Variants in USP50 observed in about 807,000 individuals in gnomAD.
USP50 encodes the protein ubiquitin carboxyl-terminal hydrolase 50.
Under a neutral mutation model 39.2 loss-of-function variants are expected in USP50, and 37 were observed. The observed-to-expected ratio is 0.94, with a 90% confidence interval of 0.73 to 1.24. The LOEUF (loss-of-function observed/expected upper bound fraction) is 1.24, where lower values mean the gene tolerates loss of function less well. USP50 is among the 50% of genes most tolerant of loss of function. The probability of loss-of-function intolerance (pLI) is 0.00; values close to 1 mark genes in which losing one functional copy is unlikely to be tolerated. For synonymous variants in USP50, 139 were observed against 144.5 expected, an observed-to-expected ratio of 0.96 and a Z score of 0.27; for missense variants, 374 against 398.2, an observed-to-expected ratio of 0.94 and a Z score of 0.52.
chr15:50,493,865 G>C (rs1359567762), downstream of USP50: 1 of 722,756 alleles, frequency 1.4e-6, no homozygotes, highest in South Asian at 1.5e-5. Flanking sequence ...ACCATGCAGG[G>C]CTTGCAGCCA....
In USP50 at chr15:50,522,687, G is replaced by T. The variant is rs146986312; in HGVS notation, c.936+7110C>A. Among the ~76,000 whole-genome samples, 405 of 152,238 alleles carry T rather than the reference G, an allele frequency of 2.7e-3. 2 individuals are homozygous for T. The highest frequency in any genetic ancestry group is 9.4e-3 in the African/African-American group (389 of 41,558). ...TTTTTATTTTATTTTTTGAGATAGA[G>T]TCTCACTCTGTCACCCAGGCTGGAA... On this transcript the variant is annotated intron_variant, in intron 6 of 6. Coordinates refer to ENST00000532404, the MANE Select transcript of USP50 (RefSeq NM_203494.5).
At chr15:50,513,263 T>C (rs576135126) in intron 6 of USP50, 1 of 152,282 alleles carries the variant, frequency 6.6e-6, no homozygotes, top group South Asian at 2.1e-4. Flanking sequence ...GTCTGCATAA[T>C]GTTGTTCATG....
intron 6 of USP50, among the ~76,000 whole-genome samples, chr15:50,515,466 T>A (rs1225528262): frequency 1.3e-5 from 2 of 152,008 alleles, no homozygotes; most frequent in East Asian, 3.9e-4. Flanking sequence ...GGTCTCGAAC[T>A]CCTGATCTCA....
intron 5 of USP50, among the ~76,000 whole-genome samples, chr15:50,530,783 G>A (rs997333961): frequency 1.3e-5 from 2 of 152,106 alleles, no homozygotes; most frequent in African/African-American, 4.8e-5. Context: ...GGATAACCAA[G>A]GCTCAACATT....
chr15:50,494,925 G>A (rs1387420886), intron 1 of USP50, among the ~76,000 whole-genome samples: 1 of 151,356 alleles, frequency 6.6e-6, no homozygotes, highest in Non-Finnish European at 1.5e-5. Flanking sequence ...TGAAGCAGGA[G>A]AATCGCTTGA....
chr15:50,535,893 A>G (rs2052976246), intron 5 of USP50, among the ~76,000 whole-genome samples: 1 of 152,206 alleles, frequency 6.6e-6, no homozygotes, highest in South Asian at 2.1e-4. Flanking sequence ...ACACAATCAA[A>G]TCAACAGACA....
At chr15:50,544,017 A>G in intron 2 of USP50, 1 of 538,834 alleles carries the variant, frequency 1.9e-6, no homozygotes. Context: ...TGGGTGACAG[A>G]ACAAGACTGT....
chr15:50,532,804 T>A (rs547493114), intron 5 of USP50, among the ~76,000 whole-genome samples: 1 of 152,292 alleles, frequency 6.6e-6, no homozygotes, highest in South Asian at 2.1e-4. Flanking sequence ...AATGAACGAA[T>A]GAACCAAAAG....
At chr15:50,520,988 A>G (rs988015489) in intron 6 of USP50, among the ~76,000 whole-genome samples, 1 of 152,228 alleles carries the variant, frequency 6.6e-6, no homozygotes, top group Non-Finnish European at 1.5e-5. Flanking sequence ...TTTCCAACTC[A>G]AAGAAATGAT....
At chr15:50,525,701 ATATATGTATATATG>A (rs1262153847) in intron 6 of USP50, among the ~76,000 whole-genome samples, 19 of 104,978 alleles carry the variant, frequency 1.8e-4, no homozygotes, top group Admixed American at 3.3e-4. Flanking sequence ...GTATATGTAT[ATATATGTATATATG>A]TATATGTATA....
At chr15:50,503,962 TAGA>T (rs1401986571) in intron 6 of USP50, 1 of 152,160 alleles carries the variant, frequency 6.6e-6, no homozygotes, top group East Asian at 1.9e-4. Flanking sequence ...TAAATATATT[TAGA>T]AGAAGGAAAC....
intron 3 of USP50, 35 bp downstream of exon 3, chr15:50,543,563 G>C: frequency 6.4e-7 from 1 of 1,573,066 alleles, no homozygotes; most frequent in Non-Finnish European, 8.7e-7. Context: ...AAAGGTTCAG[G>C]ACTATCCTAT....
Position 50,543,582 on chromosome 15 carries a change from C to T in USP50, c.444+16G>A, listed in dbSNP as rs2053046341. On this transcript the variant is annotated intron_variant, in intron 3 of 6. Coordinates refer to ENST00000532404, the MANE Select transcript of USP50 (RefSeq NM_203494.5). ...GTTCAGGACTATCCTATTTCAAGGT[C>T]ATTAACTCTACTTACCTTTTTTAGA... 1.9e-6 allele frequency: 3 copies of T among 1,604,114 alleles called. No individual in the cohort carries two copies. Among genetic ancestry groups the T allele is most frequent in the African/African-American group, 1.3e-5 (1 of 74,824 alleles).
chr15:50,544,556 G>T (rs762672650), intron 2 of USP50, 31 bp downstream of exon 2: 3 of 1,587,640 alleles, frequency 1.9e-6, no homozygotes, highest in East Asian at 2.3e-5. Flanking sequence ...GGGGGTGGGG[G>T]CTGGGCTGCA....
At chr15:50,497,019 A>G, downstream of USP50, 1 of 1,530,144 alleles carries the variant, frequency 6.5e-7, no homozygotes, top group Non-Finnish European at 8.8e-7. Context: ...GTGACTAACT[A>G]AATAGGTGCT....
At chr15:50,512,152 G>C (rs772860957) in intron 6 of USP50, 1 of 151,894 alleles carries the variant, frequency 6.6e-6, no homozygotes, top group Non-Finnish European at 1.5e-5. Flanking sequence ...TTCAAGACCA[G>C]CCTGGTCAAC....
chr15:50,546,268 C>T (rs1285591883), intron 1 of USP50, among the ~76,000 whole-genome samples: 2 of 152,168 alleles, frequency 1.3e-5, no homozygotes, highest in Non-Finnish European at 2.9e-5. Context: ...ACTGATACCA[C>T]AGGAGGTCCT....
At chr15:50,495,947 T>C (rs1448047549), downstream of USP50, 1 of 1,613,458 alleles carries the variant, frequency 6.2e-7, no homozygotes. Flanking sequence ...GCTCAATGAG[T>C]CTATTATTGT....
downstream of USP50, chr15:50,496,797 A>AG (rs1250438958): frequency 4.1e-6 from 1 of 244,506 alleles, no homozygotes; most frequent in Non-Finnish European, 7.7e-6. Context: ...TTAGTCTTAA[A>AG]GTACCTCCAG....
Sources: allele counts gnomAD v4.1 joint callset (sites outside exome capture counted in the v4.1 genomes callset), GRCh38; gene constraint gnomAD v4.1.1; transcripts MANE v1.5; gene names NCBI Gene and HGNC (gene_info 2026-07-23, HGNC 2026-07-21).